Variants in ADCY3 observed in about 807,000 individuals in gnomAD.
The protein encoded by ADCY3 is adenylate cyclase type 3.
In ADCY3, 70 loss-of-function variants were observed where a neutral mutation model predicts 119.4. The observed-to-expected ratio is 0.59, with a 90% confidence interval of 0.48 to 0.72. The LOEUF (loss-of-function observed/expected upper bound fraction) is 0.72. Among genes scored for constraint, ADCY3 ranks in the 30% least tolerant of loss-of-function variants. The probability of loss-of-function intolerance (pLI) is 0.00; values close to 1 mark genes in which losing one functional copy is unlikely to be tolerated. For synonymous variants in ADCY3, 672 were observed against 621.4 expected (o/e 1.08, Z -1.21); for missense variants, 1,238 against 1,541.6 (o/e 0.80, Z 3.30).
intron 9 of ADCY3, among the ~76,000 whole-genome samples, chr2:24,835,985 A>T (rs1193987607): frequency 1.3e-5 from 2 of 151,032 alleles, no homozygotes; most frequent in African/African-American, 4.9e-5. Context: ...CAGGTGTGCC[A>T]CTGGTTGACA....
At chr2:24,903,345 G>A (rs1275086024) in intron 2 of ADCY3, among the ~76,000 whole-genome samples, 4 of 151,858 alleles carry the variant, frequency 2.6e-5, no homozygotes, top group Non-Finnish European at 4.4e-5. Context: ...ACAGTTCTAT[G>A]TTCTGACACA....
intron 3 of ADCY3, among the ~76,000 whole-genome samples, chr2:24,865,432 A>C (rs1674159564): frequency 6.6e-6 from 1 of 151,310 alleles, no homozygotes; most frequent in South Asian, 2.1e-4. Flanking sequence ...ACAGAGTGAG[A>C]CTCTGTCTCA....
chr2:24,822,691 G>C, intron 18 of ADCY3, 61 bp from the exon 19 acceptor site: 1 of 1,594,358 alleles, frequency 6.3e-7, no homozygotes, highest in African/African-American at 1.3e-5. Context: ...ACCCAACCCA[G>C]TGACAGATGT....
At position 24,842,609 on chromosome 2, in the gene ADCY3, C is replaced by T; in HGVS notation, c.826-225G>A. On this transcript the variant is annotated intron_variant, in intron 3 of 21. Transcript: ENST00000679454. The surrounding 1 kb of genome is among the most constrained non-coding windows in gnomAD (Gnocchi z 4.9). ...GGTGGCAATGGCCCCTTCAGAGCAA[C>T]TGAGGGGAGCCAGAAACGCAGTGAA... 3.7e-6 allele frequency: 2 copies of T among 546,010 alleles called. No individual in the cohort carries two copies. The highest frequency in any genetic ancestry group is 4.1e-5 in the South Asian group (2 of 48,712). 33.8% of individuals were successfully genotyped at this position (546,010 alleles called of 1,614,324 possible). A position where few individuals can be genotyped will look rare whatever the true frequency, so the allele number is the denominator to read the frequency against.
At chr2:24,909,245 C>T (rs1307603999) in intron 2 of ADCY3, among the ~76,000 whole-genome samples, 1 of 152,178 alleles carries the variant, frequency 6.6e-6, no homozygotes, top group Non-Finnish European at 1.5e-5. Context: ...TGCACCATGT[C>T]GACTTCATTC....
At chr2:24,862,462 C>T (rs1037266370) in intron 3 of ADCY3, among the ~76,000 whole-genome samples, 10 of 151,852 alleles carry the variant, frequency 6.6e-5, no homozygotes, top group Admixed American at 4.6e-4. Context: ...AGGAGAATGG[C>T]GTGAACCCGG....
In ADCY3 at chr2:24,899,257, C is replaced by T. The variant is rs1678637557; in HGVS notation, c.675+19056G>A. Among the ~76,000 whole-genome samples, 2 of 152,190 alleles carry T rather than the reference C, an allele frequency of 1.3e-5. No homozygotes were observed. Among genetic ancestry groups the T allele is most frequent in the Non-Finnish European group, 2.9e-5 (2 of 68,028 alleles). The stretch of plus-strand genomic sequence containing the variant: ...CCACGCTTCCCTCCTCCTGGCACAC[C>T]GCCTCCTTCTCCCCAAACCACCATC... On this transcript the variant is annotated intron_variant, in intron 2 of 21. Transcript: ENST00000679454. This position sits in a 1 kb window ranked among gnomAD's most constrained non-coding sequence, Gnocchi z 4.5.
intron 2 of ADCY3, among the ~76,000 whole-genome samples, chr2:24,916,791 G>A (rs775296335): frequency 6.6e-6 from 1 of 152,208 alleles, no homozygotes; most frequent in Non-Finnish European, 1.5e-5. Flanking sequence ...GAGATTTGGG[G>A]TGGGGACGGC....
Position 24,834,992 on chromosome 2 carries a change from A to G in ADCY3, c.1663-56T>C. 1 of 1,580,864 alleles carries G rather than the reference A, an allele frequency of 6.3e-7. No individual in the cohort carries two copies. Among genetic ancestry groups the G allele is most frequent in the Non-Finnish European group, 8.6e-7 (1 of 1,160,308 alleles). On this transcript the variant is annotated intron_variant, in intron 9 of 21. Coordinates refer to ENST00000679454, the MANE Select transcript of ADCY3 (RefSeq NM_004036.5). The surrounding 1 kb of genome is among the most constrained non-coding windows in gnomAD (Gnocchi z 4.2). ...CAGATGGGACAGAGTGGTGGGGAAGAGCTGGGAAAGACAGAGGTGGAGGAG... is the reference window on the plus strand; with the variant it reads ...CAGATGGGACAGAGTGGTGGGGAAGGGCTGGGAAAGACAGAGGTGGAGGAG...
chr2:24,846,579 T>A (rs1464415132), intron 3 of ADCY3, among the ~76,000 whole-genome samples: 1 of 87,574 alleles, frequency 1.1e-5, no homozygotes, highest in Non-Finnish European at 2.1e-5. Context: ...TTGCTTTTGA[T>A]TTTTTTTTTT....
chr2:24,879,904 AAGG>A (rs1224334532), intron 2 of ADCY3, among the ~76,000 whole-genome samples: 1 of 152,214 alleles, frequency 6.6e-6, no homozygotes, highest in Non-Finnish European at 1.5e-5. Flanking sequence ...GGCAGGTGGG[AAGG>A]AGGAGTCATA....
chr2:24,820,739 G>A lies in ADCY3; in HGVS notation c.3237C>T (p.Val1079=), dbSNP rs748288867. ...CTGGACATACCTGAATGTTGCCCATGACCCCCGTGGACTCCATCCTGCTGG... is the reference window on the plus strand; with the variant it reads ...CTGGACATACCTGAATGTTGCCCATAACCCCCGTGGACTCCATCCTGCTGG... ...NVASRMESTG[V]MGNIQVVEET... is the part of the protein sequence containing the mutation. Residue 1079 remains valine, a synonymous_variant, in exon 21 of 22, where the codon GTC becomes GTT. Transcript: ENST00000679454. 1.2e-6 allele frequency: 2 copies of A among 1,613,976 alleles called. No homozygotes were observed. Among genetic ancestry groups the A allele is most frequent in the Admixed American group, 1.7e-5 (1 of 60,004 alleles).
intron 3 of ADCY3, among the ~76,000 whole-genome samples, chr2:24,843,614 T>C (rs1398058114): frequency 6.6e-6 from 1 of 152,246 alleles, no homozygotes; most frequent in East Asian, 1.9e-4. Context: ...AGATATTTAC[T>C]ATGTGGCTCT....
rs376719708 is a variant in ADCY3 at position 24,839,887 on chromosome 2, G to A, written c.1341C>T (p.Ala447=). The change falls in exon 7 of 22, where the codon GCC becomes GCT. Residue 447 remains alanine, a synonymous_variant. Coordinates refer to ENST00000679454, the MANE Select transcript of ADCY3 (RefSeq NM_004036.5). The part of the protein sequence containing the change: ...TDVTVANKME[A]GGIPGRVHIS... ...ATGGCACTCACCCAGGGATGCCGCC[G>A]GCCTCCATCTTGTTGGCTACAGTGA... The A allele has an allele frequency of 2.5e-4, 407 of 1,613,828 alleles. 6 individuals are homozygous for A. The highest frequency in any genetic ancestry group is 2.2e-3 in the South Asian group (204 of 91,086).
At chr2:24,830,634 C>CT in intron 13 of ADCY3, 75 bp downstream of exon 13, 1 of 1,175,306 alleles carries the variant, frequency 8.5e-7, no homozygotes, top group Non-Finnish European at 1.2e-6. Context: ...TGAGAAACTG[C>CT]TTGTGTGACC....
In ADCY3 at chr2:24,819,696, T is replaced by C. The variant is rs967053857; in HGVS notation, c.*236A>G. 7.8e-5 allele frequency: 36 copies of C among 463,200 alleles called. No homozygotes were observed. The highest frequency in any genetic ancestry group is 1.1e-4 in the Non-Finnish European group (30 of 262,424). The allele number at this position is 463,200 out of a possible 1,614,324, so 28.7% of individuals were successfully genotyped here. On this transcript the variant is annotated 3_prime_UTR_variant, in exon 22 of 22. Coordinates refer to ENST00000679454, the MANE Select transcript of ADCY3 (RefSeq NM_004036.5). ...ACGGCAGGGATTGGAACGAGGGCTC[T>C]GGAAGGACTGTTCAGCCCTATGCCT... is the stretch of plus-strand genomic sequence containing the variant.
rs556315051 is a variant in ADCY3, at chr2:24,842,613, G to A, written c.826-229C>T. The A allele has an allele frequency of 1.0e-4, 56 of 539,718 alleles. No homozygotes were observed. In the South Asian group the frequency reaches 1.1e-3, roughly 11 times the overall value. The allele number at this position is 539,718 out of a possible 1,614,324, so 33.4% of individuals were successfully genotyped here. ...GCAATGGCCCCTTCAGAGCAACTGA[G>A]GGGAGCCAGAAACGCAGTGAAGCAT... On this transcript the variant is annotated intron_variant, in intron 3 of 21. Transcript: ENST00000679454. This position sits in a 1 kb window ranked among gnomAD's most constrained non-coding sequence, Gnocchi z 4.9.
chr2:24,901,803 A>G (rs1465010175), intron 2 of ADCY3, among the ~76,000 whole-genome samples: 1 of 151,848 alleles, frequency 6.6e-6, no homozygotes, highest in African/African-American at 2.4e-5. Flanking sequence ...AGAAGAAGGA[A>G]AAAGAAAAAG....
chr2:24,915,404 A>C (rs1330411204), intron 2 of ADCY3, among the ~76,000 whole-genome samples: 1 of 151,990 alleles, frequency 6.6e-6, no homozygotes, highest in African/African-American at 2.4e-5. Flanking sequence ...CTTGCCCCCG[A>C]TCCTTGATGG....
Sources: gnomAD v4.1 joint callset for allele counts (sites outside exome capture counted in the v4.1 genomes callset) on GRCh38, gnomAD v4.1.1 for gene constraint, Gnocchi (gnomAD v3.1) non-coding constraint, MANE v1.5 for transcripts, NCBI Gene and HGNC (gene_info 2026-07-23, HGNC 2026-07-21) for gene names.